Variants in NCKAP5 observed in about 807,000 individuals in gnomAD.
NCKAP5 encodes nck-associated protein 5.
Under a neutral mutation model 167.0 loss-of-function variants are expected in NCKAP5, and 92 were observed. The observed-to-expected ratio is 0.55, with a 90% CI of 0.47 to 0.66. The LOEUF (loss-of-function observed/expected upper bound fraction) is 0.66. NCKAP5 is among the 30% of genes least tolerant of loss of function. The pLI, the probability that NCKAP5 is intolerant of heterozygous loss-of-function variation, is 0.00. For synonymous variants in NCKAP5, 891 were observed against 877.4 expected (o/e 1.02, Z -0.27); for missense variants, 2,378 against 2,315.0 (o/e 1.03, Z -0.56).
intron 8 of NCKAP5, among the ~76,000 whole-genome samples, chr2:132,940,244 T>A (rs1441289664): frequency 2.0e-5 from 3 of 152,168 alleles, no homozygotes; most frequent in African/African-American, 7.2e-5. Context: ...CTATTTTTAT[T>A]CACTATGCAA....
In NCKAP5 at chr2:132,782,418, C is replaced by T; in HGVS notation, c.4393G>A (p.Glu1465Lys). Residue 1465 changes from glutamate (E) to lysine (K), a missense_variant, in exon 14 of 20, where the codon GAA becomes AAA. By Grantham distance (56) the Glu-to-Lys change is moderately conservative. Transcript: ENST00000409261. ...SATATDAVSS[E>K]APLSPTIEEK... The stretch of plus-strand genomic sequence containing the variant: ...TCGATTGTGGGTGAGAGGGGGGCTT[C>T]TGAACTCACAGCATCAGTCGCGGTT... 1 of 1,614,004 alleles carries T rather than the reference C, an allele frequency of 6.2e-7. No homozygotes were observed. Among genetic ancestry groups the T allele is most frequent in the African/African-American group, 1.3e-5 (1 of 75,046 alleles).
At chr2:133,034,073 A>G (rs1447509282) in intron 6 of NCKAP5, among the ~76,000 whole-genome samples, 1 of 152,182 alleles carries the variant, frequency 6.6e-6, no homozygotes, top group African/African-American at 2.4e-5. Context: ...GCACTTAATA[A>G]TAAAACTCTC....
chr2:133,648,694 A>G, the NCKAP5 span, among the ~76,000 whole-genome samples: 1 of 152,108 alleles, frequency 6.6e-6, no homozygotes, highest in Non-Finnish European at 1.5e-5. Context: ...AAATACCTCA[A>G]GACAAATGAA....
At chr2:133,237,185 A>C (rs1349239423) in intron 4 of NCKAP5, among the ~76,000 whole-genome samples, 1 of 152,184 alleles carries the variant, frequency 6.6e-6, no homozygotes, top group East Asian at 1.9e-4. Context: ...AAAAAGCTGT[A>C]CTTTGATACC....
At chr2:132,952,092 G>A (rs2149150675) in intron 8 of NCKAP5, among the ~76,000 whole-genome samples, 1 of 152,212 alleles carries the variant, frequency 6.6e-6, no homozygotes, top group Non-Finnish European at 1.5e-5. Context: ...CCAGCTTTCA[G>A]TTTCTGACAT....
rs568886961 is a variant in NCKAP5 at position 133,349,361 on chromosome 2, C to T, written c.70-46251G>A. Among the ~76,000 whole-genome samples the T allele has an allele frequency of 1.3e-4, 20 of 152,334 alleles. No homozygotes were observed. In the South Asian group the frequency reaches 3.3e-3, roughly 25 times the overall value. ...GCCACAGTGGGCCTGACTTCTGCTC[C>T]GCACAGCAGCACACACCTGGTTCAT... On this transcript the variant is annotated intron_variant, in intron 3 of 19. Coordinates refer to ENST00000409261, the MANE Select transcript of NCKAP5 (RefSeq NM_207363.3).
chr2:133,312,916 C>T (rs1383507379), intron 3 of NCKAP5, among the ~76,000 whole-genome samples: 2 of 152,172 alleles, frequency 1.3e-5, no homozygotes, highest in African/African-American at 4.8e-5. Context: ...TTCCAAAGCA[C>T]TTTGACATCC....
At chr2:133,127,715 C>T (rs1183405295) in intron 6 of NCKAP5, among the ~76,000 whole-genome samples, 1 of 152,116 alleles carries the variant, frequency 6.6e-6, no homozygotes, top group East Asian at 1.9e-4. Flanking sequence ...CTATCCTGTG[C>T]CATTAAAACA....
intron 3 of NCKAP5, among the ~76,000 whole-genome samples, chr2:133,510,032 A>G (rs367865372): frequency 2.6e-5 from 4 of 152,340 alleles, no homozygotes; most frequent in East Asian, 3.9e-4. Flanking sequence ...ACCACAATGA[A>G]GGTGGATCCT....
intron 7 of NCKAP5, among the ~76,000 whole-genome samples, chr2:132,989,937 C>T (rs2077402411): frequency 1.3e-5 from 2 of 152,068 alleles, no homozygotes; most frequent in Non-Finnish European, 1.5e-5. Flanking sequence ...AAATAAGATC[C>T]ACGTTGTGTA....
At chr2:133,276,445 T>C (rs1355789564) in intron 4 of NCKAP5, among the ~76,000 whole-genome samples, 1 of 152,038 alleles carries the variant, frequency 6.6e-6, no homozygotes, top group Non-Finnish European at 1.5e-5. Context: ...GGCAACTTTA[T>C]AGACGTCATA....
chr2:133,424,443 A>G (rs988647957), intron 3 of NCKAP5, among the ~76,000 whole-genome samples: 1 of 152,252 alleles, frequency 6.6e-6, no homozygotes, highest in Non-Finnish European at 1.5e-5. Flanking sequence ...ATCTTGTCTG[A>G]GCCAGCAAGT....
the NCKAP5 span, among the ~76,000 whole-genome samples, chr2:133,592,321 G>T: frequency 3.3e-5 from 5 of 152,164 alleles, no homozygotes; most frequent in African/African-American, 1.2e-4. Context: ...CAAAATAAAA[G>T]TTGTTTATGT....
intron 8 of NCKAP5, among the ~76,000 whole-genome samples, chr2:132,932,826 T>C (rs952238905): frequency 2.6e-5 from 4 of 152,104 alleles, no homozygotes; most frequent in African/African-American, 7.2e-5. Flanking sequence ...GGGGCAACCC[T>C]GATGAGATAC....
chr2:132,755,519 C>G (rs538715619), intron 16 of NCKAP5, among the ~76,000 whole-genome samples: 25 of 152,118 alleles, frequency 1.6e-4, no homozygotes, highest in African/African-American at 5.5e-4. Flanking sequence ...CTACTTTTAC[C>G]TCAGACAACC....
chr2:132,999,597 T>C (rs1164986372), intron 6 of NCKAP5, among the ~76,000 whole-genome samples: 1 of 152,210 alleles, frequency 6.6e-6, no homozygotes, highest in Non-Finnish European at 1.5e-5. Flanking sequence ...AAGGCCTTCT[T>C]TGTAATCAGA....
At chr2:132,844,469 C>T (rs1023002816) in intron 11 of NCKAP5, among the ~76,000 whole-genome samples, 6 of 152,180 alleles carry the variant, frequency 3.9e-5, no homozygotes, top group African/African-American at 1.2e-4. Flanking sequence ...CATGTGCTTA[C>T]GTATACAGGT....
At chr2:133,026,542 C>T (rs1024762459) in intron 6 of NCKAP5, among the ~76,000 whole-genome samples, 8 of 152,102 alleles carry the variant, frequency 5.3e-5, no homozygotes, top group African/African-American at 1.9e-4. Context: ...CAACATTTTG[C>T]TGCTATTCTG....
intron 7 of NCKAP5, among the ~76,000 whole-genome samples, chr2:132,977,015 GATA>G (rs1455539698): frequency 6.6e-6 from 1 of 152,066 alleles, no homozygotes; most frequent in African/African-American, 2.4e-5. Flanking sequence ...AAATAACAAT[GATA>G]ATAATAATAC....
Sources: gnomAD v4.1 joint callset for allele counts (sites outside exome capture counted in the v4.1 genomes callset) on GRCh38, gnomAD v4.1.1 for gene constraint, MANE v1.5 for transcripts, NCBI Gene and HGNC (gene_info 2026-07-23, HGNC 2026-07-21) for gene names.